KIRREL3: variants seen among roughly 807,000 people sequenced by gnomAD.
KIRREL3 encodes kirre like nephrin family adhesion molecule 3.
Under a neutral mutation model 89.7 loss-of-function variants are expected in KIRREL3, and 36 were observed. The observed-to-expected ratio is 0.40, with a 90% CI of 0.31 to 0.53. KIRREL3 has a LOEUF of 0.53. KIRREL3 is among the 20% of genes least tolerant of loss of function. KIRREL3 has a pLI of 0.49. For missense variants in KIRREL3, 864 were observed against 1,056.6 expected (o/e 0.82, Z 2.53); for synonymous variants, 445 against 441.4 (o/e 1.01, Z -0.10).
At position 126,430,449 on chromosome 11, in the gene KIRREL3, A is replaced by G. The variant is rs1403243202; in HGVS notation, c.1696+970T>C. On this transcript the variant is annotated intron_variant, in intron 14 of 16. Coordinates refer to ENST00000525144, the MANE Select transcript of KIRREL3 (RefSeq NM_032531.4). This position sits in a 1 kb window ranked among gnomAD's most constrained non-coding sequence, Gnocchi z 6.6. ...AAAAGAGAGAGACCCTATATAAAAAAAAACCGTATATATATGTGTATATAT... is the reference window on the plus strand; with the variant it reads ...AAAAGAGAGAGACCCTATATAAAAAGAAACCGTATATATATGTGTATATAT... Among the ~76,000 whole-genome samples, 1 of 152,212 alleles carries G rather than the reference A, an allele frequency of 6.6e-6. No homozygotes were observed. Among genetic ancestry groups the G allele is most frequent in the Non-Finnish European group, 1.5e-5 (1 of 68,038 alleles).
chr11:126,614,255 C>T lies in KIRREL3; in HGVS notation c.56-51343G>A, dbSNP rs1002388105. Reference sequence around the variant, plus strand: ...ACCCCTTAGATTCCAGTTCCTAAGTCAGAATGTTAATTTCCAGGTAGCCTA... The same window carrying T: ...ACCCCTTAGATTCCAGTTCCTAAGTTAGAATGTTAATTTCCAGGTAGCCTA... On this transcript the variant is annotated intron_variant, in intron 1 of 16. Coordinates refer to ENST00000525144, the MANE Select transcript of KIRREL3 (RefSeq NM_032531.4). This position sits in a 1 kb window ranked among gnomAD's most constrained non-coding sequence, Gnocchi z 4.6. Among the ~76,000 whole-genome samples the T allele has an allele frequency of 9.2e-5, 14 of 152,048 alleles. No homozygotes were observed. The highest frequency in any genetic ancestry group is 3.1e-4 in the African/African-American group (13 of 41,380).
chr11:126,662,123 C>G (rs1242022132), intron 1 of KIRREL3, among the ~76,000 whole-genome samples: 1 of 152,132 alleles, frequency 6.6e-6, no homozygotes, highest in Admixed American at 6.5e-5. Flanking sequence ...CTCAGTCTAC[C>G]TCATGAAAAG....
rs545500921 is a variant in KIRREL3 at position 126,891,585 on chromosome 11, A to T, written c.55+108870T>A. ...GTTAGTCTGTCCTGCTATCACTATC[A>T]CTGTCAGGGAGCAAACGGCAGAAGC... On this transcript the variant is annotated intron_variant, in intron 1 of 16. Coordinates refer to ENST00000525144, the MANE Select transcript of KIRREL3 (RefSeq NM_032531.4). This position sits in a 1 kb window ranked among gnomAD's most constrained non-coding sequence, Gnocchi z 5.1. 2.1e-4 allele frequency among the ~76,000 whole-genome samples: 32 copies of T among 152,300 alleles called. No individual in the cohort carries two copies. In the East Asian group the frequency reaches 6.2e-3, roughly 29 times the overall value.
At chr11:126,630,497 G>A (rs1943974128) in intron 1 of KIRREL3, among the ~76,000 whole-genome samples, 1 of 152,190 alleles carries the variant, frequency 6.6e-6, no homozygotes, top group East Asian at 1.9e-4. Flanking sequence ...CTGGCTTCAA[G>A]GATCTTGTGG....
chr11:126,499,337 T>C (rs1359493974), intron 4 of KIRREL3, among the ~76,000 whole-genome samples: 1 of 152,112 alleles, frequency 6.6e-6, no homozygotes, highest in Non-Finnish European at 1.5e-5. Flanking sequence ...TTTTCATCGT[T>C]AGTAAGCATC....
chr11:126,537,090 T>A lies in KIRREL3; in HGVS notation c.134-10403A>T, dbSNP rs1410605048. 1.3e-5 allele frequency among the ~76,000 whole-genome samples: 2 copies of A among 152,298 alleles called. No individual in the cohort carries two copies. Among genetic ancestry groups the A allele is most frequent in the Middle Eastern group, 3.4e-3 (1 of 294 alleles). ...GTTCCAGCAGCAGATTGAGGGGACA[T>A]GACCACTCCCCTTAGGATTAAACCC... is the stretch of plus-strand genomic sequence containing the variant. On this transcript the variant is annotated intron_variant, in intron 2 of 16. Coordinates refer to ENST00000525144, the MANE Select transcript of KIRREL3 (RefSeq NM_032531.4). The surrounding 1 kb of genome is among the most constrained non-coding windows in gnomAD (Gnocchi z 4.3).
At chr11:126,598,056 C>T (rs1310810236) in intron 1 of KIRREL3, among the ~76,000 whole-genome samples, 1 of 152,214 alleles carries the variant, frequency 6.6e-6, no homozygotes, top group Non-Finnish European at 1.5e-5. Flanking sequence ...GAGATTTGGA[C>T]CAGCCAATAG....
At position 126,814,278 on chromosome 11, in the gene KIRREL3, G is replaced by T. The variant is rs142839932; in HGVS notation, c.55+186177C>A. ...TCAAAAAGCAACAGATGCTGGCGAG[G>T]TTATGGAGAAAAAGGAATGCTTTTA... On this transcript the variant is annotated intron_variant, in intron 1 of 16. Coordinates refer to ENST00000525144, the MANE Select transcript of KIRREL3 (RefSeq NM_032531.4). The surrounding 1 kb of genome is among the most constrained non-coding windows in gnomAD (Gnocchi z 4.4). Among the ~76,000 whole-genome samples the T allele has an allele frequency of 6.6e-5, 10 of 152,134 alleles. No individual in the cohort carries two copies. The highest frequency in any genetic ancestry group is 2.4e-4 in the African/African-American group (10 of 41,418).
At chr11:126,511,514 G>A (rs1958220830) in intron 4 of KIRREL3, among the ~76,000 whole-genome samples, 1 of 152,160 alleles carries the variant, frequency 6.6e-6, no homozygotes, top group South Asian at 2.1e-4. Context: ...GCAGGACACT[G>A]ACCATAGCTG....
At chr11:126,478,505 TTGTGTGTGTGTA>T (rs918763778) in intron 4 of KIRREL3, among the ~76,000 whole-genome samples, 2 of 151,696 alleles carry the variant, frequency 1.3e-5, no homozygotes, top group African/African-American at 2.4e-5. Context: ...GTTTTAAATC[TTGTGTGTGTGTA>T]TGTGTGTGTG....
chr11:126,783,792 C>T lies in KIRREL3; in HGVS notation c.55+216663G>A, dbSNP rs955536353. ...CTTAAGCGTGGGCTGCACATAGTGA[C>T]TTCCTTCTAAAGAATACAGTGTGAA... On this transcript the variant is annotated intron_variant, in intron 1 of 16. Transcript: ENST00000525144. The surrounding 1 kb of genome is among the most constrained non-coding windows in gnomAD (Gnocchi z 4.3). Among the ~76,000 whole-genome samples, 2 of 152,222 alleles carry T rather than the reference C, an allele frequency of 1.3e-5. No individual in the cohort carries two copies. The highest frequency in any genetic ancestry group is 2.9e-5 in the Non-Finnish European group (2 of 68,042).
At chr11:126,661,672 C>G (rs1201954564) in intron 1 of KIRREL3, among the ~76,000 whole-genome samples, 1 of 152,210 alleles carries the variant, frequency 6.6e-6, no homozygotes, top group African/African-American at 2.4e-5. Flanking sequence ...TGGCACTAGA[C>G]ACAGTGGTGC....
In KIRREL3 at chr11:126,516,239, C is replaced by T. The variant is rs972056858; in HGVS notation, c.433+5076G>A. 6.6e-6 allele frequency among the ~76,000 whole-genome samples: 1 copy of T among 152,110 alleles called. No individual in the cohort carries two copies. Among genetic ancestry groups the T allele is most frequent in the Non-Finnish European group, 1.5e-5 (1 of 68,006 alleles). On this transcript the variant is annotated intron_variant, in intron 4 of 16. Coordinates refer to ENST00000525144, the MANE Select transcript of KIRREL3 (RefSeq NM_032531.4). The surrounding 1 kb of genome is among the most constrained non-coding windows in gnomAD (Gnocchi z 4.9). ...AAATAATTCATGTTGATTTAGGAAGCTTTATTTCTAACGGGAGCCACAAGA... is the reference window on the plus strand; with the variant it reads ...AAATAATTCATGTTGATTTAGGAAGTTTTATTTCTAACGGGAGCCACAAGA...
chr11:126,829,173 C>T (rs527803398), intron 1 of KIRREL3, among the ~76,000 whole-genome samples: 2 of 152,278 alleles, frequency 1.3e-5, no homozygotes, highest in South Asian at 4.1e-4. Context: ...AAGATGGAAA[C>T]AGGAGGAGGA....
At chr11:126,425,565 A>T (rs1205248486) in intron 16 of KIRREL3, 73 bp downstream of exon 16, 6 of 1,282,122 alleles carry the variant, frequency 4.7e-6, no homozygotes, top group Non-Finnish European at 6.6e-6. Context: ...TGTTGTATAG[A>T]TTTGGGGTTT....
rs758173139 is a variant in KIRREL3, at chr11:126,557,180, C to T, written c.133+5655G>A. On this transcript the variant is annotated intron_variant, in intron 2 of 16. Transcript: ENST00000525144. This position sits in a 1 kb window ranked among gnomAD's most constrained non-coding sequence, Gnocchi z 5.6. ...CCTGGCCTGCTGCTTCCCCTCTGCC[C>T]TGAGAAAAGCACAGCTCATCCCACA... 6.6e-6 allele frequency among the ~76,000 whole-genome samples: 1 copy of T among 152,142 alleles called. No homozygotes were observed. Among genetic ancestry groups the T allele is most frequent in the Non-Finnish European group, 1.5e-5 (1 of 68,018 alleles).
intron 1 of KIRREL3, among the ~76,000 whole-genome samples, chr11:126,573,893 G>C (rs1166295733): frequency 1.3e-5 from 2 of 152,112 alleles, no homozygotes; most frequent in Non-Finnish European, 2.9e-5. Flanking sequence ...GCTGGGACAG[G>C]GTTAAGGTCA....
Position 126,491,337 on chromosome 11 carries a change from C to T in KIRREL3, c.434-17871G>A, listed in dbSNP as rs182495998. ...AGGGCGGGCGCGTGCTGGCTCTGAG[C>T]GGGTGCTTTATTGTGTGATGGGTGG... On this transcript the variant is annotated intron_variant, in intron 4 of 16. Transcript: ENST00000525144. This position sits in a 1 kb window ranked among gnomAD's most constrained non-coding sequence, Gnocchi z 5.5. Among the ~76,000 whole-genome samples the T allele has an allele frequency of 3.3e-5, 5 of 152,242 alleles. No homozygotes were observed. Among genetic ancestry groups the T allele is most frequent in the African/African-American group, 9.6e-5 (4 of 41,544 alleles).
rs12798030 is a variant in KIRREL3 at position 126,471,096 on chromosome 11, T to G, written c.591+2213A>C. On this transcript the variant is annotated intron_variant, in intron 5 of 16. Transcript: ENST00000525144. The surrounding 1 kb of genome is among the most constrained non-coding windows in gnomAD (Gnocchi z 5.4). ...TTTGCGGCCGGGCGCAGTGGCTCAG[T>G]CCTGTAATCCCAGCACTTTGGGAGG... Among the ~76,000 whole-genome samples the G allele has an allele frequency of 0.34, 52,072 of 152,024 alleles. 9,534 individuals carry two copies. Among genetic ancestry groups the G allele is most frequent in the East Asian group, 0.54 (2,806 of 5,160 alleles).
Sources: gnomAD v4.1 joint callset for allele counts (sites outside exome capture counted in the v4.1 genomes callset) on GRCh38, gnomAD v4.1.1 for gene constraint, Gnocchi (gnomAD v3.1) non-coding constraint, MANE v1.5 for transcripts, NCBI Gene and HGNC (gene_info 2026-07-23, HGNC 2026-07-21) for gene names.